Variants in DGKA observed in about 807,000 individuals in gnomAD.
DGKA encodes the protein 80 kDa diacylglycerol kinase.
Under a neutral mutation model 105.0 loss-of-function variants are expected in DGKA, and 35 were observed. That is an observed-to-expected ratio of 0.33 (90% confidence interval 0.25 to 0.44). The LOEUF (loss-of-function observed/expected upper bound fraction) is 0.44, where lower values mean the gene tolerates loss of function less well. DGKA is among the 20% of genes least tolerant of loss of function. DGKA has a pLI of 1.00. For missense variants in DGKA, 665 were observed against 915.0 expected (o/e 0.73, Z 3.53); for synonymous variants, 296 against 332.0 (o/e 0.89, Z 1.18).
intron 4 of DGKA, 98 bp from the exon 5 acceptor site, chr12:55,937,879 TC>T: frequency 8.9e-7 from 1 of 1,121,642 alleles, no homozygotes; most frequent in Non-Finnish European, 1.3e-6. Flanking sequence ...AATCAGTAAA[TC>T]TTTTTTTTAA....
At chr12:55,936,844 G>A in intron 2 of DGKA, 173 bp from the exon 3 acceptor site, 1 of 809,312 alleles carries the variant, frequency 1.2e-6, no homozygotes, top group Non-Finnish European at 2.1e-6. Flanking sequence ...TCAGAGAAGA[G>A]GAGTAAAGAG....
rs1884714612 is a variant in DGKA, at chr12:55,936,431, T to C, written c.-73T>C. The C allele has an allele frequency of 1.9e-6, 3 of 1,580,496 alleles. No individual in the cohort carries two copies. Among genetic ancestry groups the C allele is most frequent in the Non-Finnish European group, 2.6e-6 (3 of 1,161,822 alleles). On this transcript the variant is annotated 5_prime_UTR_variant, in exon 2 of 24. Coordinates refer to ENST00000331886, the MANE Select transcript of DGKA (RefSeq NM_001345.5). ...CTGTCACCTTTCCCCAGGCCTACCC[T>C]CTGAAGAGGTCCAAGCAACGGAAGT...
At chr12:55,930,357 GTTT>G (rs1156510868), upstream of DGKA, 4 of 71,790 alleles carry the variant, frequency 5.6e-5, no homozygotes, top group South Asian at 6.7e-4. Flanking sequence ...CAAGGGCCTT[GTTT>G]TTTTTTTTTT....
rs1192313089 is a variant in DGKA, at chr12:55,936,164, G to A, written c.-81-259G>A. ...AGGGTGGTCAGATGAATCAAGATAG[G>A]TTGGGGGAGAGGGAGAAGGATCCAG... On this transcript the variant is annotated intron_variant, in intron 1 of 23. Coordinates refer to ENST00000331886, the MANE Select transcript of DGKA (RefSeq NM_001345.5). 5 of 573,034 alleles carry A rather than the reference G, an allele frequency of 8.7e-6. No homozygotes were observed. The African/African-American group carries it at 9.7e-5, about 11-fold the overall frequency. The allele number at this position is 573,034 out of a possible 1,614,324, so 35.5% of individuals were successfully genotyped here. A position where few individuals can be genotyped will look rare whatever the true frequency, so the allele number is the denominator to read the frequency against.
At chr12:55,927,877 G>C, upstream of DGKA, 2 of 1,379,510 alleles carry the variant, frequency 1.4e-6, no homozygotes, top group Non-Finnish European at 1.9e-6. Flanking sequence ...TTCTCGCCCA[G>C]ACCTCCTAAC....
chr12:55,933,241 C>A (rs990185160), intron 1 of DGKA, among the ~76,000 whole-genome samples: 1 of 152,176 alleles, frequency 6.6e-6, no homozygotes, highest in Non-Finnish European at 1.5e-5. Context: ...CAATTTCCTC[C>A]TCTGTAAAAT....
chr12:55,938,115 C>T lies in DGKA; in HGVS notation c.349+63C>T, dbSNP rs1885141980. On this transcript the variant is annotated intron_variant, in intron 5 of 23. Transcript: ENST00000331886. ...AAGGGAGAGAGAGGTGTTTCCCATC[C>T]TCCTTTCCCTTATTCCTTCAGGATT... 46 of 1,415,258 alleles carry T rather than the reference C, an allele frequency of 3.3e-5. No individual in the cohort carries two copies. In the South Asian group the frequency reaches 4.5e-4, roughly 14 times the overall value. 87.7% of individuals were successfully genotyped at this position (1,415,258 alleles called of 1,614,324 possible). A position where few individuals can be genotyped will look rare whatever the true frequency, so the allele number is the denominator to read the frequency against.
In DGKA at chr12:55,938,574, CCTG is replaced by C; in HGVS notation, c.399+15_399+17del. On this transcript the variant is annotated intron_variant, in intron 6 of 23. Transcript: ENST00000331886. ...CTGGACAGCTCAGTGAGTTGGGGAC[CCTG>C]TATGCTGGGCAAGGGAATATGTGTT... is the stretch of plus-strand genomic sequence containing the variant. 1 of 1,614,120 alleles carries C rather than the reference CCTG, an allele frequency of 6.2e-7. No homozygotes were observed. Among genetic ancestry groups the C allele is most frequent in the Non-Finnish European group, 8.5e-7 (1 of 1,180,002 alleles).
chr12:55,935,940 A>G, intron 1 of DGKA: 2 of 986,584 alleles, frequency 2.0e-6, no homozygotes, highest in Non-Finnish European at 2.4e-6. Context: ...GGTCATGGCC[A>G]GGAAGACGCG....
intron 2 of DGKA, 164 bp from the exon 3 acceptor site, chr12:55,936,853 A>G (rs1467331393): frequency 1.3e-5 from 11 of 822,100 alleles, no homozygotes; most frequent in Non-Finnish European, 2.1e-5. Context: ...AGGAGTAAAG[A>G]GTGGTACTGT....
chr12:55,941,081 A>C (rs1885872602), intron 13 of DGKA, 101 bp downstream of exon 13: 1 of 1,394,250 alleles, frequency 7.2e-7, no homozygotes. Flanking sequence ...GGAGCGGTTG[A>C]TGCTCACTCT....
chr12:55,948,990 CT>C (rs773972749), intron 17 of DGKA, among the ~76,000 whole-genome samples: 3 of 150,924 alleles, frequency 2.0e-5, no homozygotes, highest in Non-Finnish European at 4.4e-5. Flanking sequence ...CCACTGCACT[CT>C]AGTTTGGGCA....
Position 55,932,403 on chromosome 12 carries a change from A to C in DGKA, c.-82+1059A>C, listed in dbSNP as rs182763084. ...GCCCGGTTCCTGGGACCCGACTCGG[A>C]GGGAAGTCCTCTTCGGAACCTCCAC... On this transcript the variant is annotated intron_variant, in intron 1 of 23. Transcript: ENST00000331886. This position sits in a 1 kb window ranked among gnomAD's most constrained non-coding sequence, Gnocchi z 4.3. 18,296 of 609,966 alleles carry C rather than the reference A, an allele frequency of 0.03. 376 individuals carry two copies. Among genetic ancestry groups the C allele is most frequent in the Non-Finnish European group, 0.038 (12,747 of 336,410 alleles). 37.8% of individuals were successfully genotyped at this position (609,966 alleles called of 1,614,324 possible). A position where few individuals can be genotyped will look rare whatever the true frequency, so the allele number is the denominator to read the frequency against.
At position 55,941,908 on chromosome 12, in the gene DGKA, A is replaced by T. The variant is rs115080104; in HGVS notation, c.1251-90A>T. 2,564 of 1,332,264 alleles carry T rather than the reference A, an allele frequency of 1.9e-3. 44 individuals are homozygous for T. The African/African-American group carries it at 0.033, about 17-fold the overall frequency. 82.5% of individuals were successfully genotyped at this position (1,332,264 alleles called of 1,614,324 possible). ...ACAAAAAGGAGGAGGGTCCTACGGA[A>T]TGAGAGACAAGAAGCAATCTGCCTG... On this transcript the variant is annotated intron_variant, in intron 15 of 23. Coordinates refer to ENST00000331886, the MANE Select transcript of DGKA (RefSeq NM_001345.5).
intron 17 of DGKA, among the ~76,000 whole-genome samples, chr12:55,948,470 G>A (rs1049130164): frequency 6.6e-6 from 1 of 152,002 alleles, no homozygotes; most frequent in Non-Finnish European, 1.5e-5. Context: ...GCTCACACCT[G>A]TAATCCCAGC....
rs1888676598 is a variant in DGKA, at chr12:55,953,937, A to G, written c.*169A>G. 1.6e-6 allele frequency: 1 copy of G among 640,690 alleles called. No homozygotes were observed. Among genetic ancestry groups the G allele is most frequent in the African/African-American group, 1.8e-5 (1 of 54,664 alleles). 39.7% of individuals were successfully genotyped at this position (640,690 alleles called of 1,614,324 possible). On this transcript the variant is annotated 3_prime_UTR_variant, in exon 24 of 24. Coordinates refer to ENST00000331886, the MANE Select transcript of DGKA (RefSeq NM_001345.5). ...CACCACCTCACTGTTCCCCATGCGC[A>G]CACACATACACACACCCCAAAACAC...
At chr12:55,950,317 T>C (rs1887905558) in intron 17 of DGKA, among the ~76,000 whole-genome samples, 3 of 150,892 alleles carry the variant, frequency 2.0e-5, no homozygotes, top group African/African-American at 4.9e-5. Context: ...TTTTATTTTT[T>C]ATTTTTTGAG....
upstream of DGKA, chr12:55,927,858 C>T: frequency 2.7e-6 from 4 of 1,461,414 alleles, no homozygotes; most frequent in South Asian, 1.3e-5. Context: ...TGATGAGGGC[C>T]CTAGTTGCTT....
intron 7 of DGKA, 96 bp from the exon 8 acceptor site, chr12:55,939,090 C>T: frequency 6.2e-7 from 1 of 1,605,182 alleles, no homozygotes. Flanking sequence ...GTTCCCTTGG[C>T]TAGGATGGCT....
Sources: gnomAD v4.1 joint callset for allele counts (sites outside exome capture counted in the v4.1 genomes callset) on GRCh38, gnomAD v4.1.1 for gene constraint, Gnocchi (gnomAD v3.1) non-coding constraint, MANE v1.5 for transcripts, NCBI Gene and HGNC (gene_info 2026-07-23, HGNC 2026-07-21) for gene names.